FHOD3: variants seen among roughly 807,000 people sequenced by gnomAD.
The protein encoded by FHOD3 is FH1/FH2 domain-containing protein 3.
FHOD3 carries 90 observed loss-of-function variants against 173.0 expected under a neutral mutation model. The ratio of observed to expected loss-of-function variants is 0.52; its 90% CI spans 0.44 to 0.62. The LOEUF (loss-of-function observed/expected upper bound fraction) is 0.62, where lower values mean the gene tolerates loss of function less well. Ranked by LOEUF, FHOD3 falls within the 20% of genes least tolerant of loss-of-function variation. The pLI, the probability that FHOD3 is intolerant of heterozygous loss-of-function variation, is 0.00. For synonymous variants in FHOD3, 828 were observed against 823.0 expected (o/e 1.01, Z -0.10); for missense variants, 1,945 against 2,034.7 (o/e 0.96, Z 0.85).
chr18:36,646,849 G>C (rs370921349), intron 10 of FHOD3, among the ~76,000 whole-genome samples: 1 of 152,300 alleles, frequency 6.6e-6, no homozygotes, highest in African/African-American at 2.4e-5. Context: ...AAGAACTTCT[G>C]CTTATTAAAA....
At chr18:36,501,710 A>G (rs771556908) in intron 3 of FHOD3, among the ~76,000 whole-genome samples, 1 of 151,744 alleles carries the variant, frequency 6.6e-6, no homozygotes, top group Non-Finnish European at 1.5e-5. Flanking sequence ...GCAGGCCCCA[A>G]ATCTGTCCCA....
intron 3 of FHOD3, among the ~76,000 whole-genome samples, chr18:36,414,956 T>C (rs903705354): frequency 2.0e-5 from 3 of 152,142 alleles, no homozygotes; most frequent in African/African-American, 7.2e-5. Flanking sequence ...GCCATTTTCT[T>C]GGGCAAGACA....
chr18:36,571,792 G>GA (rs976602208), intron 5 of FHOD3, among the ~76,000 whole-genome samples: 5 of 150,628 alleles, frequency 3.3e-5, no homozygotes, highest in Non-Finnish European at 5.9e-5. Context: ...TTGGACCTAT[G>GA]AAAAAAAAAT....
At chr18:36,739,812 A>C (rs575029076) in intron 20 of FHOD3, among the ~76,000 whole-genome samples, 2 of 152,360 alleles carry the variant, frequency 1.3e-5, no homozygotes, top group Non-Finnish European at 2.9e-5. Flanking sequence ...CCTATATCAT[A>C]CAACATTGTT....
intron 16 of FHOD3, 113 bp downstream of exon 16, chr18:36,687,291 C>T: frequency 1.3e-6 from 1 of 769,124 alleles, no homozygotes; most frequent in Non-Finnish European, 2.1e-6. Flanking sequence ...TAAAACCTTA[C>T]ATAGCTGGCA....
At chr18:36,508,008 T>G (rs925850460) in intron 4 of FHOD3, among the ~76,000 whole-genome samples, 3 of 152,212 alleles carry the variant, frequency 2.0e-5, no homozygotes, top group Non-Finnish European at 4.4e-5. Flanking sequence ...CACTGTAATT[T>G]GTGCAGTGTT....
In FHOD3 at chr18:36,770,715, C is replaced by G. The variant is rs573060077; in HGVS notation, c.4786+1289C>G. ...GGTACACACTGTGAGTAACAAGGCT[C>G]TTGAGCTGTGGTTCTCAACCCTGGA... On this transcript the variant is annotated intron_variant, in intron 28 of 28. Coordinates refer to ENST00000590592, the MANE Select transcript of FHOD3 (RefSeq NM_001281740.3). 5.2e-4 allele frequency among the ~76,000 whole-genome samples: 79 copies of G among 152,148 alleles called. 1 individual carries two copies. Among genetic ancestry groups the G allele is most frequent in the Non-Finnish European group, 6.9e-4 (47 of 68,022 alleles).
intron 16 of FHOD3, among the ~76,000 whole-genome samples, chr18:36,691,085 A>T (rs2038935729): frequency 6.6e-6 from 1 of 152,170 alleles, no homozygotes; most frequent in Non-Finnish European, 1.5e-5. Context: ...CTCTGGGATG[A>T]GTGGCCCCTG....
chr18:36,717,965 T>A lies in FHOD3; in HGVS notation c.2667T>A (p.Asp889Glu). 6.2e-7 allele frequency: 1 copy of A among 1,613,706 alleles called. No individual in the cohort carries two copies. Among genetic ancestry groups the A allele is most frequent in the Non-Finnish European group, 8.5e-7 (1 of 1,179,874 alleles). ...CTCCGGATGATGAGGAGAAGGGGGA[T>A]GGGGAGGCTGGGAGGACCCAGCAGG... ...RKSPDDEEKG[D>E]GEAGRTQQEA... The change falls in exon 19 of 29, where the codon GAT (aspartate) becomes GAA (glutamate). Residue 889 changes from aspartate (D) to glutamate (E), a missense_variant. By Grantham distance (45) the Asp-to-Glu change is conservative. Around this residue, in one of 5 missense-constraint regions of FHOD3, gnomAD observed 1,099 missense variants for 1,051.2 expected, o/e 1.05. Transcript: ENST00000590592.
intron 21 of FHOD3, 111 bp from the exon 22 acceptor site, chr18:36,742,626 G>T: frequency 8.3e-7 from 1 of 1,209,632 alleles, no homozygotes; most frequent in South Asian, 1.5e-5. Context: ...GCGGGGGATT[G>T]CCTTGTGCTG....
chr18:36,587,546 C>A (rs1190482314), intron 6 of FHOD3, among the ~76,000 whole-genome samples: 1 of 152,130 alleles, frequency 6.6e-6, no homozygotes, highest in Non-Finnish European at 1.5e-5. Context: ...AATCCTAGCA[C>A]TTTGGGAGGT....
Position 36,742,002 on chromosome 18 carries a change from T to C in FHOD3, c.3760-735T>C, listed in dbSNP as rs190394758. ...CAGACAGCATGCTCAGGTGACTTTTTTTAGCCAAGGGAGGTAACATCAGGG... is the reference window on the plus strand; with the variant it reads ...CAGACAGCATGCTCAGGTGACTTTTCTTAGCCAAGGGAGGTAACATCAGGG... On this transcript the variant is annotated intron_variant, in intron 21 of 28. Coordinates refer to ENST00000590592, the MANE Select transcript of FHOD3 (RefSeq NM_001281740.3). 1.4e-3 allele frequency among the ~76,000 whole-genome samples: 207 copies of C among 152,266 alleles called. 1 individual carries two copies. The highest frequency in any genetic ancestry group is 2.5e-3 in the Non-Finnish European group (168 of 68,028).
At chr18:36,397,883 A>T (rs1447958168) in intron 3 of FHOD3, among the ~76,000 whole-genome samples, 2 of 152,210 alleles carry the variant, frequency 1.3e-5, no homozygotes, top group Admixed American at 1.3e-4. Flanking sequence ...GGGAGGGTTG[A>T]TGAAGGACTT....
At chr18:36,458,770 A>G (rs1599206974) in intron 3 of FHOD3, among the ~76,000 whole-genome samples, 2 of 140,290 alleles carry the variant, frequency 1.4e-5, no homozygotes. Context: ...GCTAGCTTTC[A>G]TGAATCTTTC....
At chr18:36,619,412 C>T (rs895514218) in intron 9 of FHOD3, among the ~76,000 whole-genome samples, 4 of 152,192 alleles carry the variant, frequency 2.6e-5, no homozygotes, top group Non-Finnish European at 5.9e-5. Context: ...CATGTCTCCA[C>T]CTCTGCAAAC....
intron 25 of FHOD3, 101 bp downstream of exon 25, chr18:36,755,412 T>G (rs1377921081): frequency 2.3e-6 from 2 of 863,448 alleles, no homozygotes; most frequent in African/African-American, 3.6e-5. Flanking sequence ...TTTTTTTTTT[T>G]TTTTTTTTTT....
intron 5 of FHOD3, among the ~76,000 whole-genome samples, chr18:36,565,413 T>C (rs1220647219): frequency 6.6e-6 from 1 of 152,238 alleles, no homozygotes; most frequent in Non-Finnish European, 1.5e-5. Context: ...TTTTCAGAGC[T>C]CCTGTGTTCT....
chr18:36,500,154 C>T (rs968336712), intron 3 of FHOD3, among the ~76,000 whole-genome samples: 5 of 152,162 alleles, frequency 3.3e-5, no homozygotes, highest in African/African-American at 7.2e-5. Context: ...ATTCTGGCTG[C>T]GGTGGGCAGC....
intron 5 of FHOD3, among the ~76,000 whole-genome samples, chr18:36,555,536 A>G (rs1484592634): frequency 6.6e-6 from 1 of 152,078 alleles, no homozygotes; most frequent in African/African-American, 2.4e-5. Context: ...ATAAATGTCA[A>G]TTAGGTGAAG....
Sources: allele counts gnomAD v4.1 joint callset (sites outside exome capture counted in the v4.1 genomes callset), GRCh38; gene constraint gnomAD v4.1.1; regional missense constraint gnomAD v4.1.1; transcripts MANE v1.5; gene names NCBI Gene and HGNC (gene_info 2026-07-23, HGNC 2026-07-21).